Variants in ERC2 observed in about 807,000 individuals in gnomAD.
ERC2 encodes ELKS/RAB6-interacting/CAST family member 2.
In ERC2, 42 loss-of-function variants were observed where a neutral mutation model predicts 114.8. The observed-to-expected ratio is 0.37, with a 90% CI of 0.29 to 0.47. The LOEUF is 0.47. Ranked by LOEUF, ERC2 falls within the 20% of genes least tolerant of loss-of-function variation. ERC2 has a pLI of 0.99. For missense variants in ERC2, 939 were observed against 1,150.7 expected (o/e 0.82, Z 2.66); for synonymous variants, 454 against 425.5 (o/e 1.07, Z -0.82).
chr3:56,129,330 G>C (rs888917340), intron 6 of ERC2, among the ~76,000 whole-genome samples: 21 of 152,174 alleles, frequency 1.4e-4, no homozygotes, highest in African/African-American at 5.1e-4. Flanking sequence ...GGGGAATGGA[G>C]GGAAGTGTGA....
intron 14 of ERC2, among the ~76,000 whole-genome samples, chr3:55,778,866 T>A (rs569658150): frequency 2.0e-4 from 31 of 152,186 alleles, no homozygotes; most frequent in Admixed American, 7.2e-4. Flanking sequence ...TTGGAAAGTT[T>A]AATCAAGGAG....
chr3:55,810,145 CAT>C (rs2059658583), intron 14 of ERC2, among the ~76,000 whole-genome samples: 2 of 152,156 alleles, frequency 1.3e-5, no homozygotes, highest in African/African-American at 4.8e-5. Context: ...CATATTCTGA[CAT>C]GTGCAAATAT....
At chr3:56,393,907 T>G (rs1163418753) in intron 2 of ERC2, among the ~76,000 whole-genome samples, 1 of 152,082 alleles carries the variant, frequency 6.6e-6, no homozygotes, top group Non-Finnish European at 1.5e-5. Context: ...TGGACACTAC[T>G]TTTATGTCTC....
intron 13 of ERC2, among the ~76,000 whole-genome samples, chr3:55,928,235 G>GT (rs1559883850): frequency 6.6e-6 from 1 of 152,134 alleles, no homozygotes; most frequent in Non-Finnish European, 1.5e-5. Flanking sequence ...CCAACAGTGC[G>GT]TAAGTCTTCC....
intron 6 of ERC2, among the ~76,000 whole-genome samples, chr3:56,108,834 G>A (rs2078805873): frequency 3.3e-5 from 5 of 152,024 alleles, no homozygotes; most frequent in Non-Finnish European, 7.4e-5. Context: ...GCCTGCTGTA[G>A]GATACAAGAT....
Position 56,070,752 on chromosome 3 carries a change from C to T in ERC2, c.1641+10065G>A, listed in dbSNP as rs574950076. ...TAAAATATATTTGATTGCTAGAAGACGTAAAGAATAGAAAAGCTCCGAAAT... is the reference window on the plus strand; with the variant it reads ...TAAAATATATTTGATTGCTAGAAGATGTAAAGAATAGAAAAGCTCCGAAAT... On this transcript the variant is annotated intron_variant, in intron 7 of 17. Coordinates refer to ENST00000288221, the MANE Select transcript of ERC2 (RefSeq NM_015576.3). 6.5e-4 allele frequency among the ~76,000 whole-genome samples: 99 copies of T among 152,238 alleles called. No individual in the cohort carries two copies. The South Asian group carries it at 0.01, about 16-fold the overall frequency.
At chr3:55,849,440 C>T (rs1198257535) in intron 14 of ERC2, among the ~76,000 whole-genome samples, 7 of 152,190 alleles carry the variant, frequency 4.6e-5, no homozygotes, top group Admixed American at 3.3e-4. Flanking sequence ...ACCCCAAGAA[C>T]GTCAGTGCTT....
At chr3:56,348,429 C>A (rs969107012) in intron 2 of ERC2, among the ~76,000 whole-genome samples, 1 of 151,598 alleles carries the variant, frequency 6.6e-6, no homozygotes, top group Non-Finnish European at 1.5e-5. Flanking sequence ...ACAGAGTGTG[C>A]GTGCTGTCTA....
intron 12 of ERC2, among the ~76,000 whole-genome samples, chr3:55,953,102 G>A (rs1251631235): frequency 6.6e-6 from 1 of 152,014 alleles, no homozygotes; most frequent in Non-Finnish European, 1.5e-5. Context: ...GTACTCGGGA[G>A]GCTGAGGCAG....
chr3:56,173,278 C>T (rs2082779324), intron 4 of ERC2, among the ~76,000 whole-genome samples, 168 bp downstream of exon 4: 1 of 152,042 alleles, frequency 6.6e-6, no homozygotes, highest in Non-Finnish European at 1.5e-5. Context: ...AATTAAAGGA[C>T]CAATACATTA....
At chr3:55,753,574 A>G (rs1308110520) in intron 14 of ERC2, among the ~76,000 whole-genome samples, 1 of 152,216 alleles carries the variant, frequency 6.6e-6, no homozygotes, top group African/African-American at 2.4e-5. Flanking sequence ...TGGACACACC[A>G]TGTGCTAGGC....
chr3:56,296,742 A>G (rs2055467691), intron 2 of ERC2, among the ~76,000 whole-genome samples: 1 of 152,212 alleles, frequency 6.6e-6, no homozygotes, highest in African/African-American at 2.4e-5. Flanking sequence ...TAGGAAATGG[A>G]AAAGGTTAGA....
At chr3:55,966,195 G>A (rs1023203832) in intron 12 of ERC2, among the ~76,000 whole-genome samples, 41 of 152,104 alleles carry the variant, frequency 2.7e-4, no homozygotes, top group African/African-American at 9.4e-4. Context: ...CTGACCCCTG[G>A]AACATAAGCC....
intron 17 of ERC2, among the ~76,000 whole-genome samples, chr3:55,591,873 C>T (rs551219644): frequency 6.6e-6 from 1 of 152,340 alleles, no homozygotes; most frequent in South Asian, 2.1e-4. Flanking sequence ...GGGAAGGTCA[C>T]ACAGCATATA....
At chr3:56,268,306 G>A (rs1433778807) in intron 3 of ERC2, among the ~76,000 whole-genome samples, 1 of 152,102 alleles carries the variant, frequency 6.6e-6, no homozygotes, top group Non-Finnish European at 1.5e-5. Context: ...ATACTATCCA[G>A]GTCTATGTAA....
intron 2 of ERC2, among the ~76,000 whole-genome samples, chr3:56,357,434 G>A (rs1289754596): frequency 2.0e-5 from 3 of 152,186 alleles, no homozygotes; most frequent in Non-Finnish European, 4.4e-5. Context: ...CAGGCAGTCT[G>A]ACTTAACAAC....
chr3:55,887,791 T>A (rs978246992), intron 14 of ERC2, among the ~76,000 whole-genome samples: 2 of 152,196 alleles, frequency 1.3e-5, no homozygotes, highest in Non-Finnish European at 2.9e-5. Context: ...AAGCAATTGG[T>A]TCCAATCCAA....
In ERC2 at chr3:56,296,382, G is replaced by T. The variant is rs2055434956; in HGVS notation, c.711C>A (p.Asp237Glu). The change falls in exon 3 of 18, where the codon GAC becomes GAA. Residue 237 changes from aspartate (D) to glutamate (E), a missense_variant. Transcript: ENST00000288221. The part of the protein sequence containing the change: ...ALQDELRTQR[D>E]LNHLLQQESG... ...TCTCTTGCTGGAGGAGGTGGTTGAG[G>T]TCTCTCTGGGTTCGCAGCTCATCTT... 6.2e-7 allele frequency: 1 copy of T among 1,613,994 alleles called. No homozygotes were observed. The highest frequency in any genetic ancestry group is 1.7e-5 in the Admixed American group (1 of 60,024).
intron 1 of ERC2, among the ~76,000 whole-genome samples, chr3:56,440,547 CAAA>C (rs397877367): frequency 1.0e-4 from 11 of 107,638 alleles, no homozygotes; most frequent in Admixed American, 9.1e-5. Context: ...GACTCTGTCT[CAAA>C]AAAAAAAAAA....
Sources: allele counts gnomAD v4.1 joint callset (sites outside exome capture counted in the v4.1 genomes callset), GRCh38; gene constraint gnomAD v4.1.1; transcripts MANE v1.5; gene names NCBI Gene and HGNC (gene_info 2026-07-23, HGNC 2026-07-21).